PCDH15: variants seen among roughly 807,000 people sequenced by gnomAD.
PCDH15 encodes protocadherin related 15, also known as protocadherin-15.
Under a neutral mutation model 178.5 loss-of-function variants are expected in PCDH15, and 129 were observed. The ratio of observed to expected loss-of-function variants is 0.72; its 90% confidence interval spans 0.63 to 0.84. PCDH15 has a LOEUF of 0.84. PCDH15 is among the 40% of genes least tolerant of loss of function. The probability of loss-of-function intolerance (pLI) is 0.00; values close to 1 mark genes in which losing one functional copy is unlikely to be tolerated. For missense variants in PCDH15, 2,230 were observed against 2,099.9 expected, an observed-to-expected ratio of 1.06 and a Z score of -1.21; for synonymous variants, 800 against 732.0, an observed-to-expected ratio of 1.09 and a Z score of -1.50.
At chr10:55,619,664 T>A (rs1843548939) in intron 2 of PCDH15, among the ~76,000 whole-genome samples, 1 of 152,072 alleles carries the variant, frequency 6.6e-6, no homozygotes, top group Admixed American at 6.6e-5. Context: ...TATAATTCAT[T>A]ATTATTTTTC....
At chr10:53,811,979 A>C (rs2075881688) in intron 35 of PCDH15, among the ~76,000 whole-genome samples, 1 of 152,236 alleles carries the variant, frequency 6.6e-6, no homozygotes. Flanking sequence ...ACTCAATTTT[A>C]AGTTAAATTA....
At chr10:54,860,362 C>A (rs1044111469) in intron 3 of PCDH15, among the ~76,000 whole-genome samples, 2 of 152,044 alleles carry the variant, frequency 1.3e-5, no homozygotes, top group African/African-American at 2.4e-5. Flanking sequence ...ATGTGGTATA[C>A]CCAATGCTTA....
chr10:55,427,284 C>T (rs1838780158), intron 2 of PCDH15, among the ~76,000 whole-genome samples: 1 of 149,166 alleles, frequency 6.7e-6, no homozygotes, highest in African/African-American at 2.4e-5. Flanking sequence ...ACCTAAGGTA[C>T]CTGCAACACT....
chr10:55,533,902 G>A (rs946776602), intron 2 of PCDH15, among the ~76,000 whole-genome samples: 7 of 151,964 alleles, frequency 4.6e-5, no homozygotes, highest in Non-Finnish European at 8.8e-5. Context: ...CAGTGGAACC[G>A]AATAGAAAAC....
chr10:53,995,805 C>G, intron 20 of PCDH15, 40 bp from the exon 21 acceptor site: 1 of 1,573,626 alleles, frequency 6.4e-7, no homozygotes, highest in Non-Finnish European at 8.7e-7. Context: ...TCAGTTGAAA[C>G]CAGGTTAGGG....
At chr10:53,893,101 G>A (rs2081690960) in intron 26 of PCDH15, among the ~76,000 whole-genome samples, 1 of 151,990 alleles carries the variant, frequency 6.6e-6, no homozygotes, top group African/African-American at 2.4e-5. Flanking sequence ...GACTTTGAGT[G>A]TCGGTGGAAA....
chr10:55,310,116 T>C (rs1218141907), intron 1 of PCDH15, among the ~76,000 whole-genome samples: 1 of 152,222 alleles, frequency 6.6e-6, no homozygotes, highest in East Asian at 1.9e-4. Context: ...ATATCAAGCA[T>C]GTTCTTCTCA....
intron 2 of PCDH15, among the ~76,000 whole-genome samples, chr10:54,943,860 G>T (rs1321950555): frequency 7.4e-6 from 1 of 135,156 alleles, no homozygotes; most frequent in Non-Finnish European, 1.7e-5. Context: ...GTTTTCCTTG[G>T]CTAGAAAAAA....
intron 2 of PCDH15, among the ~76,000 whole-genome samples, chr10:55,553,302 G>A (rs576797201): frequency 2.0e-5 from 3 of 151,150 alleles, no homozygotes; most frequent in Non-Finnish European, 4.4e-5. Flanking sequence ...CAAATGTGAA[G>A]CATTCCATAA....
intron 3 of PCDH15, among the ~76,000 whole-genome samples, chr10:54,446,276 A>G (rs1565297828): frequency 6.6e-6 from 1 of 151,632 alleles, no homozygotes; most frequent in Non-Finnish European, 1.5e-5. Context: ...ATATGTTAAT[A>G]TTTTCCAAAT....
chr10:54,884,832 A>G (rs917445489), intron 3 of PCDH15, among the ~76,000 whole-genome samples: 1 of 152,030 alleles, frequency 6.6e-6, no homozygotes, highest in Non-Finnish European at 1.5e-5. Flanking sequence ...ATTTCAATTG[A>G]GTTATTTTAC....
At chr10:54,335,766 C>T (rs937762546) in intron 6 of PCDH15, among the ~76,000 whole-genome samples, 1 of 152,028 alleles carries the variant, frequency 6.6e-6, no homozygotes, top group Non-Finnish European at 1.5e-5. Context: ...TGAAAACAGA[C>T]TAACACAGTA....
At chr10:54,006,091 C>T (rs922329101) in intron 20 of PCDH15, among the ~76,000 whole-genome samples, 3 of 152,104 alleles carry the variant, frequency 2.0e-5, no homozygotes, top group African/African-American at 4.8e-5. Context: ...TTTATGGAGC[C>T]ATGGGAGAGA....
intron 13 of PCDH15, among the ~76,000 whole-genome samples, chr10:54,167,891 C>T (rs191109341): frequency 1.7e-4 from 26 of 151,248 alleles, no homozygotes; most frequent in Non-Finnish European, 3.4e-4. Context: ...TTCTGTGCCC[C>T]GACCTCTTAT....
chr10:55,090,299 A>G (rs1387647933), intron 2 of PCDH15, among the ~76,000 whole-genome samples: 1 of 152,048 alleles, frequency 6.6e-6, no homozygotes, highest in Non-Finnish European at 1.5e-5. Flanking sequence ...ATTATACAAT[A>G]TTCATTTCAG....
intron 3 of PCDH15, among the ~76,000 whole-genome samples, chr10:54,514,941 T>C (rs57632605): frequency 0.054 from 8,276 of 152,278 alleles, 259 homozygotes; most frequent in East Asian, 0.086. Flanking sequence ...ACTGATTGTT[T>C]CTAAGATTTG....
intron 4 of PCDH15, 127 bp downstream of exon 4, chr10:54,378,655 C>A: frequency 9.6e-7 from 1 of 1,046,016 alleles, no homozygotes; most frequent in Non-Finnish European, 1.4e-6. Flanking sequence ...GTTAAAGAAA[C>A]TGTTGTTGCT....
At chr10:54,652,019 G>C (rs2094274459) in intron 2 of PCDH15, among the ~76,000 whole-genome samples, 1 of 151,560 alleles carries the variant, frequency 6.6e-6, no homozygotes, top group Non-Finnish European at 1.5e-5. Flanking sequence ...TATATGCAAG[G>C]AATTTAATGT....
chr10:54,246,610 T>C (rs1461474141), intron 8 of PCDH15, among the ~76,000 whole-genome samples: 1 of 151,896 alleles, frequency 6.6e-6, no homozygotes, highest in East Asian at 1.9e-4. Flanking sequence ...TTTGTACTTC[T>C]TCTAGGGTAT....
Sources: gnomAD v4.1 joint callset for allele counts (sites outside exome capture counted in the v4.1 genomes callset) on GRCh38, gnomAD v4.1.1 for gene constraint, MANE v1.5 for transcripts, NCBI Gene and HGNC (gene_info 2026-07-23, HGNC 2026-07-21) for gene names.